Variants in KCNT1 observed in about 807,000 individuals in gnomAD.
The protein encoded by KCNT1 is potassium sodium-activated channel subfamily T member 1, also known as potassium channel subfamily T member 1.
A neutral mutation model predicts 147.8 loss-of-function variants in KCNT1; 78 were observed. The ratio of observed to expected loss-of-function variants is 0.53; its 90% CI spans 0.44 to 0.64. The LOEUF (loss-of-function observed/expected upper bound fraction) is 0.64. Ranked by LOEUF, KCNT1 falls within the 30% of genes least tolerant of loss-of-function variation. KCNT1 has a pLI of 0.00. For missense variants in KCNT1, 1,419 were observed against 1,750.3 expected, an observed-to-expected ratio of 0.81 and a Z score of 3.38; for synonymous variants, 867 against 748.8, an observed-to-expected ratio of 1.16 and a Z score of -2.58.
At chr9:135,712,799 G>A (rs181126701) in intron 1 of KCNT1, among the ~76,000 whole-genome samples, 322 of 152,350 alleles carry the variant, frequency 2.1e-3, no homozygotes, top group Non-Finnish European at 3.1e-3. Flanking sequence ...GCTCTGTGGG[G>A]GGAACAAGGC....
At chr9:135,775,249 C>T in intron 19 of KCNT1, 61 bp from the exon 20 acceptor site, 6 of 1,364,292 alleles carry the variant, frequency 4.4e-6, no homozygotes, top group Non-Finnish European at 6.1e-6. Flanking sequence ...CGAGGGGGGC[C>T]CCAGAGCAGA....
intron 2 of KCNT1, among the ~76,000 whole-genome samples, chr9:135,748,859 C>T (rs1268350050): frequency 6.6e-6 from 1 of 152,244 alleles, no homozygotes; most frequent in African/African-American, 2.4e-5. Context: ...CTCTTTGACC[C>T]CAGGGAGCAA....
chr9:135,708,251 TATAC>T (rs1835336824), intron 1 of KCNT1, among the ~76,000 whole-genome samples: 1 of 152,178 alleles, frequency 6.6e-6, no homozygotes, highest in Non-Finnish European at 1.5e-5. Context: ...TGTGCACATG[TATAC>T]ATATGCCCAT....
intron 21 of KCNT1, 61 bp from the exon 22 acceptor site, chr9:135,778,362 TG>T: frequency 6.9e-7 from 1 of 1,458,864 alleles, no homozygotes. Context: ...AGGGCCCCAC[TG>T]GGCCTGAGGA....
chr9:135,750,135 A>G lies in KCNT1; in HGVS notation c.292A>G (p.Lys98Glu). The change falls in exon 3 of 31, where the codon AAG becomes GAG. Residue 98 changes from lysine (K) to glutamate (E), a missense_variant. Lys to Glu is a moderately conservative substitution (Grantham distance 56). Transcript: ENST00000371757. ...VEFYVNENTFKERLKLFFIKN... is the reference protein window; with the variant it reads ...VEFYVNENTFEERLKLFFIKN... ...GTTCTACGTCAACGAGAACACCTTC[A>G]AGGAGCGGCTCAAGCTGTTCTTCAT... 1 of 1,613,734 alleles carries G rather than the reference A, an allele frequency of 6.2e-7. No homozygotes were observed. The highest frequency in any genetic ancestry group is 8.5e-7 in the Non-Finnish European group (1 of 1,179,940).
intron 29 of KCNT1, chr9:135,788,885 T>A (rs1294211397): frequency 6.6e-6 from 1 of 152,388 alleles, no homozygotes; most frequent in Non-Finnish European, 1.5e-5. Flanking sequence ...GCTCAGAGCC[T>A]GCCCCCGCTG....
intron 11 of KCNT1, among the ~76,000 whole-genome samples, chr9:135,764,027 A>C (rs1564360998): frequency 6.6e-6 from 1 of 152,204 alleles, no homozygotes; most frequent in East Asian, 1.9e-4. Flanking sequence ...TTTGTGTGGC[A>C]AGGCAGTGGA....
chr9:135,718,099 G>C (rs1441187658), intron 2 of KCNT1, among the ~76,000 whole-genome samples: 1 of 152,216 alleles, frequency 6.6e-6, no homozygotes, highest in Admixed American at 6.5e-5. Flanking sequence ...GACCCTCCTG[G>C]GTGCTTGGGG....
chr9:135,740,405 T>G (rs779031869), intron 2 of KCNT1, among the ~76,000 whole-genome samples: 1 of 152,026 alleles, frequency 6.6e-6, no homozygotes, highest in Non-Finnish European at 1.5e-5. Flanking sequence ...GGTTGTGGGG[T>G]GCAGAGGGAC....
rs1554766004 is a variant in KCNT1, at chr9:135,730,990, T to TGAAAA, written c.254+16270_254+16271insGAAAA. ...AACAAAGTGAGATCCCGTCTCAAGG[T>TGAAAA]AAAAAAAAAAAAAAAAAAAAAAAGT... is the stretch of plus-strand genomic sequence containing the variant. On this transcript the variant is annotated intron_variant, in intron 2 of 30. Transcript: ENST00000371757. This position sits in a 1 kb window ranked among gnomAD's most constrained non-coding sequence, Gnocchi z 4.7. 3.5e-3 allele frequency among the ~76,000 whole-genome samples: 300 copies of TGAAAA among 85,570 alleles called. 9 individuals carry two copies. The highest frequency in any genetic ancestry group is 9.3e-3 in the African/African-American group (206 of 22,054). 56.1% of individuals were successfully genotyped at this position (85,570 alleles called of 152,430 possible).
intron 3 of KCNT1, 86 bp downstream of exon 3, chr9:135,750,263 C>G: frequency 9.4e-7 from 1 of 1,067,198 alleles, no homozygotes; most frequent in Non-Finnish European, 1.4e-6. Context: ...AAGGCTGGGG[C>G]TGTGAGCTCA....
intron 11 of KCNT1, among the ~76,000 whole-genome samples, chr9:135,761,600 C>T (rs1831914748): frequency 6.6e-6 from 1 of 152,232 alleles, no homozygotes; most frequent in South Asian, 2.1e-4. Context: ...GCTTTCAGGG[C>T]CATCCTTGAC....
At chr9:135,713,592 A>G (rs1835592433) in intron 1 of KCNT1, among the ~76,000 whole-genome samples, 1 of 152,204 alleles carries the variant, frequency 6.6e-6, no homozygotes, top group Non-Finnish European at 1.5e-5. Flanking sequence ...CGGGCACAGC[A>G]CGGGGAGCTG....
rs1831607825 is a variant in KCNT1 at position 135,758,031 on chromosome 9, G to A, written c.760-383G>A. The stretch of plus-strand genomic sequence containing the variant: ...ACCCGTCCTGAGAGAGGACAGCAGA[G>A]GGGGTGCCCTACCCAGGTGCAGGCT... On this transcript the variant is annotated intron_variant, in intron 9 of 30. Transcript: ENST00000371757. 2.1e-5 allele frequency among the ~76,000 whole-genome samples: 3 copies of A among 141,474 alleles called. 1 individual carries two copies. The South Asian group carries it at 7.1e-4, about 33-fold the overall frequency. The allele number at this position is 141,474 out of a possible 152,430, so 92.8% of individuals were successfully genotyped here.
intron 2 of KCNT1, among the ~76,000 whole-genome samples, chr9:135,733,878 G>A (rs1470761258): frequency 4.5e-5 from 6 of 134,484 alleles, no homozygotes; most frequent in Non-Finnish European, 8.0e-5. Context: ...TCCACCCCCC[G>A]CCTGCTCCTT....
At chr9:135,737,682 TG>T (rs1048007178) in intron 2 of KCNT1, among the ~76,000 whole-genome samples, 39 of 151,964 alleles carry the variant, frequency 2.6e-4, no homozygotes, top group African/African-American at 8.7e-4. Context: ...TCATCAGGGC[TG>T]GGGGGCAGGG....
intron 2 of KCNT1, among the ~76,000 whole-genome samples, chr9:135,728,454 C>T (rs1201711723): frequency 6.6e-6 from 1 of 152,242 alleles, no homozygotes; most frequent in African/African-American, 2.4e-5. Flanking sequence ...CCCACAGCCT[C>T]ACTGCGGATG....
chr9:135,783,042 G>A lies in KCNT1; in HGVS notation c.2842-982G>A, dbSNP rs12686833. On this transcript the variant is annotated intron_variant, in intron 24 of 30. Transcript: ENST00000371757. ...GGTTCCGGGGGGAAGTGTGGCCTCC[G>A]TGGGCGCACACGCCTGCCTGTGCAC... is the stretch of plus-strand genomic sequence containing the variant. 8.7e-4 allele frequency among the ~76,000 whole-genome samples: 132 copies of A among 152,320 alleles called. 3 individuals carry two copies. The East Asian group carries it at 0.023, about 27-fold the overall frequency.
intron 2 of KCNT1, among the ~76,000 whole-genome samples, chr9:135,728,718 G>A (rs371299620): frequency 6.6e-6 from 1 of 152,252 alleles, no homozygotes; most frequent in Non-Finnish European, 1.5e-5. Flanking sequence ...CCAGCTTGGA[G>A]AGACATCTCC....
Sources: gnomAD v4.1 joint callset for allele counts (sites outside exome capture counted in the v4.1 genomes callset) on GRCh38, gnomAD v4.1.1 for gene constraint, Gnocchi (gnomAD v3.1) non-coding constraint, MANE v1.5 for transcripts, NCBI Gene and HGNC (gene_info 2026-07-23, HGNC 2026-07-21) for gene names.